The following VWF variants were observed in gnomAD, a reference collection of about 807,000 sequenced individuals.
VWF encodes the protein von Willebrand factor.
Under a neutral mutation model 308.6 loss-of-function variants are expected in VWF, and 176 were observed. The ratio of observed to expected loss-of-function variants is 0.57; its 90% CI spans 0.50 to 0.65. The LOEUF (loss-of-function observed/expected upper bound fraction) is 0.65. Ranked by LOEUF, VWF falls within the 30% of genes least tolerant of loss-of-function variation. The pLI, the probability that VWF is intolerant of heterozygous loss-of-function variation, is 0.00. For synonymous variants in VWF, 1,385 were observed against 1,443.4 expected (o/e 0.96, Z 0.92); for missense variants, 3,146 against 3,648.2 (o/e 0.86, Z 3.55).
chr12:6,037,194 G>A (rs1238018098), intron 18 of VWF, among the ~76,000 whole-genome samples: 2 of 152,110 alleles, frequency 1.3e-5, no homozygotes, highest in Non-Finnish European at 2.9e-5. Context: ...ATAGGCGAGT[G>A]GGAGGATTTT....
chr12:6,100,920 A>G (rs989380733), intron 5 of VWF, among the ~76,000 whole-genome samples: 3 of 152,184 alleles, frequency 2.0e-5, no homozygotes, highest in Admixed American at 1.3e-4. Context: ...ACACAGAAAT[A>G]GCAAGAGTAG....
intron 10 of VWF, among the ~76,000 whole-genome samples, chr12:6,067,605 G>T (rs1944731145): frequency 6.6e-6 from 1 of 152,166 alleles, no homozygotes; most frequent in Admixed American, 6.5e-5. Flanking sequence ...GAAAATGGGT[G>T]GGTGAGCTGC....
intron 5 of VWF, among the ~76,000 whole-genome samples, chr12:6,109,650 A>G (rs994974369): frequency 6.6e-6 from 1 of 152,062 alleles, no homozygotes; most frequent in Non-Finnish European, 1.5e-5. Context: ...ATTCATCTTT[A>G]GTGTTTTCTT....
At chr12:6,102,629 G>A (rs1357384621) in intron 5 of VWF, among the ~76,000 whole-genome samples, 2 of 148,388 alleles carry the variant, frequency 1.3e-5, no homozygotes, top group Non-Finnish European at 3.0e-5. Context: ...CAGCTACTCA[G>A]GAGGCTGAGG....
chr12:6,105,260 G>A (rs982197273), intron 5 of VWF, among the ~76,000 whole-genome samples: 3 of 151,908 alleles, frequency 2.0e-5, no homozygotes, highest in Admixed American at 6.6e-5. Context: ...ACAGAGTCTC[G>A]CTTTGTCACC....
intron 21 of VWF, 64 bp from the exon 22 acceptor site, chr12:6,029,552 C>T: frequency 6.3e-7 from 1 of 1,597,602 alleles, no homozygotes; most frequent in Non-Finnish European, 8.5e-7. Context: ...CAGATCCTCC[C>T]TCCACTCTAC....
chr12:6,021,843 G>A (rs1039712584), intron 27 of VWF, 57 bp downstream of exon 27: 1 of 1,612,192 alleles, frequency 6.2e-7, no homozygotes, highest in African/African-American at 1.3e-5. Context: ...TCTCTAAGCT[G>A]GCCCCTGGAG....
chr12:6,056,578 C>A (rs1035462955), intron 15 of VWF, among the ~76,000 whole-genome samples: 7 of 152,134 alleles, frequency 4.6e-5, no homozygotes, highest in Non-Finnish European at 8.8e-5. Context: ...ACGGGAAACC[C>A]AAGCTTTGCA....
intron 18 of VWF, among the ~76,000 whole-genome samples, chr12:6,039,242 C>T (rs1331548619): frequency 1.3e-5 from 2 of 152,250 alleles, no homozygotes; most frequent in African/African-American, 4.8e-5. Flanking sequence ...CCATCACTCA[C>T]CAACTCATGA....
chr12:5,980,853 C>G (rs1943597456), intron 42 of VWF, among the ~76,000 whole-genome samples: 1 of 152,204 alleles, frequency 6.6e-6, no homozygotes, highest in African/African-American at 2.4e-5. Flanking sequence ...TATAACTATG[C>G]TCAGGTCTTC....
chr12:5,980,808 G>A (rs899373809), intron 42 of VWF, among the ~76,000 whole-genome samples: 1 of 152,248 alleles, frequency 6.6e-6, no homozygotes, highest in Non-Finnish European at 1.5e-5. Flanking sequence ...CAGCTTGTCT[G>A]TCATTCATGT....
intron 5 of VWF, among the ~76,000 whole-genome samples, chr12:6,103,185 G>A (rs978558945): frequency 2.6e-5 from 4 of 151,664 alleles, no homozygotes; most frequent in Non-Finnish European, 4.4e-5. Context: ...AAAATTAGCC[G>A]GGTGTGGTGG....
At chr12:5,964,304 AGC>A (rs1943372647) in intron 47 of VWF, among the ~76,000 whole-genome samples, 1 of 152,132 alleles carries the variant, frequency 6.6e-6, no homozygotes, top group African/African-American at 2.4e-5. Flanking sequence ...ACATACAAAA[AGC>A]TACCAAGCTA....
intron 34 of VWF, 49 bp from the exon 35 acceptor site, chr12:5,996,271 T>G: frequency 1.6e-5 from 24 of 1,544,314 alleles, no homozygotes; most frequent in Non-Finnish European, 2.0e-5. Flanking sequence ...CAAACCCCCA[T>G]GCCTACTACA....
At chr12:5,995,925 A>T in intron 35 of VWF, 77 bp downstream of exon 35, 5 of 1,425,882 alleles carry the variant, frequency 3.5e-6, no homozygotes, top group Non-Finnish European at 4.9e-6. Context: ...ATCAACTAAA[A>T]GCAACTGCCA....
intron 20 of VWF, among the ~76,000 whole-genome samples, chr12:6,034,018 G>A (rs533690889): frequency 1.3e-4 from 20 of 152,324 alleles, no homozygotes; most frequent in East Asian, 3.9e-4. Flanking sequence ...AAGAATCCAC[G>A]CAGTGGGGAG....
intron 21 of VWF, among the ~76,000 whole-genome samples, chr12:6,029,975 A>C (rs540266565): frequency 6.6e-6 from 1 of 152,264 alleles, no homozygotes; most frequent in South Asian, 2.1e-4. Flanking sequence ...ACAGAGCTGA[A>C]GAAAAAGGAA....
intron 10 of VWF, 33 bp from the exon 11 acceptor site, chr12:6,065,306 G>C: frequency 1.2e-6 from 2 of 1,613,594 alleles, no homozygotes; most frequent in Non-Finnish European, 8.5e-7. Flanking sequence ...AGAAGAATGG[G>C]AGGTGAGGGC....
chr12:6,059,649 G>T (rs966139400), intron 13 of VWF, among the ~76,000 whole-genome samples: 3 of 152,126 alleles, frequency 2.0e-5, no homozygotes, highest in African/African-American at 7.2e-5. Context: ...CTTTTAAAAG[G>T]GCACAAATCT....
Sources: allele counts gnomAD v4.1 joint callset (sites outside exome capture counted in the v4.1 genomes callset), GRCh38; gene constraint gnomAD v4.1.1; transcripts MANE v1.5; gene names NCBI Gene and HGNC (gene_info 2026-07-23, HGNC 2026-07-21).